Variants in TSPAN13 observed in about 807,000 individuals in gnomAD.
TSPAN13 encodes the protein tetraspanin 13, also known as tetraspanin-13.
A neutral mutation model predicts 26.9 loss-of-function variants in TSPAN13; 18 were observed. The observed-to-expected ratio is 0.67, with a 90% CI of 0.46 to 0.99. The LOEUF (loss-of-function observed/expected upper bound fraction) is 0.99. TSPAN13 is among the 50% of genes least tolerant of loss of function. The pLI is 0.00. For synonymous variants in TSPAN13, 116 were observed against 98.4 expected, an observed-to-expected ratio of 1.18 and a Z score of -1.06; for missense variants, 201 against 249.6, an observed-to-expected ratio of 0.81 and a Z score of 1.31.
At chr7:16,755,541 GT>G (rs34234997) in intron 1 of TSPAN13, among the ~76,000 whole-genome samples, 22,507 of 139,216 alleles carry the variant, frequency 0.16, 1,760 homozygotes, top group East Asian at 0.28. Context: ...GTTCTCTAGG[GT>G]TTTTTTTTTT....
At chr7:16,768,847 G>A (rs7805673) in intron 1 of TSPAN13, among the ~76,000 whole-genome samples, 9,740 of 152,094 alleles carry the variant, frequency 0.064, 1,067 homozygotes, top group African/African-American at 0.22. Context: ...TTTAACGACT[G>A]AACCATTAAA....
intron 5 of TSPAN13, among the ~76,000 whole-genome samples, chr7:16,779,632 A>G (rs17136572): frequency 0.018 from 2,700 of 152,050 alleles, 23 homozygotes; most frequent in South Asian, 0.039. Flanking sequence ...ATAATATGCA[A>G]TTAATATATA....
intron 1 of TSPAN13, among the ~76,000 whole-genome samples, chr7:16,771,062 T>C (rs706063): frequency 0.48 from 73,021 of 152,012 alleles, 17,816 homozygotes; most frequent in Admixed American, 0.53. Flanking sequence ...AGCTCTGCTA[T>C]GAAACCTAAA....
chr7:16,775,796 A>G (rs920960875), intron 1 of TSPAN13: 1 of 154,114 alleles, frequency 6.5e-6, no homozygotes, highest in African/African-American at 2.4e-5. Context: ...AGAAAATTAC[A>G]GTGCATTTGG....
chr7:16,777,844 A>G lies in TSPAN13; in HGVS notation c.359A>G (p.Asn120Ser). The change falls in exon 4 of 6, where the codon AAT becomes AGT. Residue 120 changes from asparagine (N) to serine (S), a missense_variant. Transcript: ENST00000262067. ...VGWNNTASAR[N>S]DIQRNLNCCG... ...TGGAACAATACGGCAAGTGCTCGAA[A>G]TGACATCCAGAGAAATCTAAACTGC... 6.2e-7 allele frequency: 1 copy of G among 1,613,992 alleles called. No homozygotes were observed. The highest frequency in any genetic ancestry group is 1.3e-5 in the African/African-American group (1 of 75,046).
chr7:16,764,817 A>AG (rs953920133), intron 1 of TSPAN13, among the ~76,000 whole-genome samples: 5 of 152,156 alleles, frequency 3.3e-5, no homozygotes, highest in African/African-American at 1.2e-4. Flanking sequence ...TTCTATAGGG[A>AG]GAAAAAAAAG....
At chr7:16,755,917 C>G (rs555929957) in intron 1 of TSPAN13, among the ~76,000 whole-genome samples, 1 of 152,164 alleles carries the variant, frequency 6.6e-6, no homozygotes, top group Non-Finnish European at 1.5e-5. Flanking sequence ...AGTGTGTGTT[C>G]TATTGATTTT....
intron 1 of TSPAN13, among the ~76,000 whole-genome samples, chr7:16,770,986 C>G (rs889834536): frequency 2.0e-5 from 3 of 152,166 alleles, no homozygotes; most frequent in African/African-American, 7.2e-5. Context: ...TTTTCTCTAA[C>G]CCCTGACACT....
In TSPAN13 at chr7:16,753,859, G is replaced by A. The variant is rs1784450524; in HGVS notation, c.-109G>A. The stretch of plus-strand genomic sequence containing the variant: ...GCCCCGGCCCCCCACCCACGTCTGC[G>A]TTGCTGCCCCGCCTGGGCCAGGCCC... On this transcript the variant is annotated 5_prime_UTR_variant, in exon 1 of 6. Transcript: ENST00000262067. 2.4e-6 allele frequency: 3 copies of A among 1,235,632 alleles called. No homozygotes were observed. The highest frequency in any genetic ancestry group is 5.2e-5 in the East Asian group (2 of 38,678). 76.5% of individuals were successfully genotyped at this position (1,235,632 alleles called of 1,614,324 possible). A position where few individuals can be genotyped will look rare whatever the true frequency, so the allele number is the denominator to read the frequency against.
At chr7:16,765,477 G>A (rs1784595355) in intron 1 of TSPAN13, among the ~76,000 whole-genome samples, 1 of 152,138 alleles carries the variant, frequency 6.6e-6, no homozygotes, top group African/African-American at 2.4e-5. Context: ...CTACTCATGT[G>A]TACACTTGCA....
At chr7:16,779,540 C>T (rs1784791731) in intron 5 of TSPAN13, among the ~76,000 whole-genome samples, 1 of 151,676 alleles carries the variant, frequency 6.6e-6, no homozygotes. Flanking sequence ...GAAAAATTGC[C>T]TTCCTACACC....
chr7:16,768,239 T>G (rs1249083364), intron 1 of TSPAN13, among the ~76,000 whole-genome samples: 1 of 152,220 alleles, frequency 6.6e-6, no homozygotes. Context: ...ATATGTGTGC[T>G]GGAAATATAT....
At chr7:16,772,902 G>C (rs929034647) in intron 1 of TSPAN13, among the ~76,000 whole-genome samples, 2 of 152,048 alleles carry the variant, frequency 1.3e-5, no homozygotes, top group Non-Finnish European at 2.9e-5. Context: ...AGGCTGAGGT[G>C]GGAGAATCAC....
At chr7:16,778,071 G>C (rs1039894237) in intron 4 of TSPAN13, among the ~76,000 whole-genome samples, 160 bp downstream of exon 4, 7 of 152,178 alleles carry the variant, frequency 4.6e-5, no homozygotes, top group Non-Finnish European at 8.8e-5. Flanking sequence ...TCATTTGCCT[G>C]TTCTCAAATA....
intron 1 of TSPAN13, among the ~76,000 whole-genome samples, chr7:16,754,535 C>A (rs1430068890): frequency 6.6e-6 from 1 of 152,216 alleles, no homozygotes; most frequent in Admixed American, 6.5e-5. Flanking sequence ...TAATTGAGGC[C>A]ACTGAGTAGG....
At chr7:16,766,524 A>G (rs1486380646) in intron 1 of TSPAN13, among the ~76,000 whole-genome samples, 1 of 152,228 alleles carries the variant, frequency 6.6e-6, no homozygotes, top group African/African-American at 2.4e-5. Context: ...CTTTTGTTAC[A>G]AACGTGTGGA....
chr7:16,779,811 A>G (rs13221643), intron 5 of TSPAN13, among the ~76,000 whole-genome samples: 59,625 of 148,682 alleles, frequency 0.4, 12,260 homozygotes, highest in African/African-American at 0.47. Flanking sequence ...TTGCTCTGTC[A>G]CCCAGGCTGG....
rs1784449003 is a variant in TSPAN13, at chr7:16,753,806, GC to G, written c.-161del. On this transcript the variant is annotated 5_prime_UTR_variant, in exon 1 of 6. Transcript: ENST00000262067. ...TCCAAAGCGGGTCCGAGCCGCCGCC[GC>G]GCGCGCGCCGCGCACTGCAGCCCCA... 1 of 598,420 alleles carries G rather than the reference GC, an allele frequency of 1.7e-6. No homozygotes were observed. The highest frequency in any genetic ancestry group is 2.0e-5 in the African/African-American group (1 of 49,750). The allele number at this position is 598,420 out of a possible 1,614,324, so 37.1% of individuals were successfully genotyped here.
chr7:16,761,508 T>A (rs1439583344), intron 1 of TSPAN13, among the ~76,000 whole-genome samples: 1 of 152,054 alleles, frequency 6.6e-6, no homozygotes, highest in Non-Finnish European at 1.5e-5. Context: ...TTGAGGAAGA[T>A]AGTCTGGGGC....
Sources: allele counts gnomAD v4.1 joint callset (sites outside exome capture counted in the v4.1 genomes callset), GRCh38; gene constraint gnomAD v4.1.1; transcripts MANE v1.5; gene names NCBI Gene and HGNC (gene_info 2026-07-23, HGNC 2026-07-21).